CNTN5: variants seen among roughly 807,000 people sequenced by gnomAD.
CNTN5 encodes the protein contactin-5.
A neutral mutation model predicts 129.1 loss-of-function variants in CNTN5; 77 were observed. The ratio of observed to expected loss-of-function variants is 0.60; its 90% CI spans 0.50 to 0.72. The LOEUF is 0.72. CNTN5 is among the 30% of genes least tolerant of loss of function. The pLI is 0.00. For missense variants in CNTN5, 1,478 were observed against 1,328.8 expected (o/e 1.11, Z -1.75); for synonymous variants, 509 against 465.6 (o/e 1.09, Z -1.20).
At chr11:99,069,836 G>A (rs1251697007) in intron 1 of CNTN5, among the ~76,000 whole-genome samples, 2 of 152,228 alleles carry the variant, frequency 1.3e-5, no homozygotes, top group East Asian at 3.9e-4. Flanking sequence ...TTGGCTTTCT[G>A]CAAACCCCTG....
chr11:100,170,649 G>A (rs745630967), intron 13 of CNTN5, among the ~76,000 whole-genome samples: 7 of 151,934 alleles, frequency 4.6e-5, no homozygotes, highest in Non-Finnish European at 8.8e-5. Context: ...AACGCACTGA[G>A]CATGTTTTAT....
At chr11:100,140,090 G>A (rs79536002) in intron 13 of CNTN5, among the ~76,000 whole-genome samples, 4,078 of 152,248 alleles carry the variant, frequency 0.027, 177 homozygotes, top group African/African-American at 0.093. Flanking sequence ...TCCCTTAACA[G>A]TGAAGAGGGG....
At chr11:99,927,119 A>T (rs1419330057) in intron 7 of CNTN5, among the ~76,000 whole-genome samples, 1 of 152,174 alleles carries the variant, frequency 6.6e-6, no homozygotes. Context: ...GGACACAGAG[A>T]GCTCTATTTT....
chr11:99,808,347 A>G (rs1946333472), intron 3 of CNTN5, among the ~76,000 whole-genome samples: 1 of 103,670 alleles, frequency 9.6e-6, no homozygotes, highest in African/African-American at 3.0e-5. Context: ...CTGTCAGTTG[A>G]GGCTACAAAA....
At chr11:99,736,155 A>T (rs1419299506) in intron 3 of CNTN5, among the ~76,000 whole-genome samples, 1 of 152,182 alleles carries the variant, frequency 6.6e-6, no homozygotes, top group Non-Finnish European at 1.5e-5. Flanking sequence ...ACTTGAATAG[A>T]TGGAAAGCAG....
At chr11:100,183,667 G>C (rs1476319456) in intron 13 of CNTN5, among the ~76,000 whole-genome samples, 2 of 152,022 alleles carry the variant, frequency 1.3e-5, no homozygotes, top group East Asian at 1.9e-4. Flanking sequence ...TGCTTCTGAG[G>C]GTGATGCATA....
At chr11:99,846,530 GTTC>G (rs981820205) in intron 6 of CNTN5, among the ~76,000 whole-genome samples, 1 of 151,762 alleles carries the variant, frequency 6.6e-6, no homozygotes, top group Non-Finnish European at 1.5e-5. Flanking sequence ...TTGAAATTAA[GTTC>G]TTGAGGATAG....
intron 1 of CNTN5, among the ~76,000 whole-genome samples, chr11:99,306,447 G>A (rs1445932745): frequency 6.6e-6 from 1 of 152,080 alleles, no homozygotes; most frequent in Admixed American, 6.6e-5. Context: ...ATATGTAAAT[G>A]AGGTAAAGAA....
At chr11:99,493,242 C>T (rs749738742) in intron 2 of CNTN5, among the ~76,000 whole-genome samples, 1 of 152,138 alleles carries the variant, frequency 6.6e-6, no homozygotes, top group Non-Finnish European at 1.5e-5. Context: ...AAGACAAAAT[C>T]GCCTAAAGAA....
In CNTN5 at chr11:100,328,467, G is replaced by A. The variant is rs148784172; in HGVS notation, c.2731-11996G>A. On this transcript the variant is annotated intron_variant, in intron 21 of 24. Coordinates refer to ENST00000524871, the MANE Select transcript of CNTN5 (RefSeq NM_014361.4). Reference sequence around the variant, plus strand: ...TAATTGACTTACAGTTCAACAAGCTGTACAGGAAGTCCGGCTGAGGAGGCC... The same window carrying A: ...TAATTGACTTACAGTTCAACAAGCTATACAGGAAGTCCGGCTGAGGAGGCC... 4.6e-5 allele frequency among the ~76,000 whole-genome samples: 7 copies of A among 152,308 alleles called. No individual in the cohort carries two copies. The East Asian group carries it at 1.4e-3, about 29-fold the overall frequency.
At chr11:100,267,927 G>A (rs950337182) in intron 17 of CNTN5, among the ~76,000 whole-genome samples, 14 of 152,266 alleles carry the variant, frequency 9.2e-5, no homozygotes, top group South Asian at 4.1e-4. Context: ...GCTTGGTGAC[G>A]CAGGTCACTG....
In CNTN5 at chr11:99,802,139, T is replaced by A. The variant is rs539958277; in HGVS notation, c.56-17405T>A. Among the ~76,000 whole-genome samples, 7 of 152,360 alleles carry A rather than the reference T, an allele frequency of 4.6e-5. No homozygotes were observed. The South Asian group carries it at 1.2e-3, about 27-fold the overall frequency. On this transcript the variant is annotated intron_variant, in intron 3 of 24. Coordinates refer to ENST00000524871, the MANE Select transcript of CNTN5 (RefSeq NM_014361.4). ...AGAGAATATTGAGTAGAATTTTTTG[T>A]CTGTTCTTCTATAGACCTATATTTT... is the stretch of plus-strand genomic sequence containing the variant.
chr11:100,311,899 G>T (rs890817618), intron 21 of CNTN5, among the ~76,000 whole-genome samples: 1 of 152,002 alleles, frequency 6.6e-6, no homozygotes, highest in African/African-American at 2.4e-5. Flanking sequence ...CACTAGATCA[G>T]CTTCATTCAA....
At chr11:99,714,553 T>G (rs369050349) in intron 3 of CNTN5, among the ~76,000 whole-genome samples, 1 of 152,028 alleles carries the variant, frequency 6.6e-6, no homozygotes, top group Non-Finnish European at 1.5e-5. Flanking sequence ...CCAAGGATTC[T>G]GTGCCATGCT....
intron 1 of CNTN5, among the ~76,000 whole-genome samples, chr11:99,032,935 G>T (rs1472072459): frequency 1.5e-5 from 2 of 134,592 alleles, no homozygotes; most frequent in African/African-American, 3.1e-5. Flanking sequence ...ATCTTGAATT[G>T]ATTTTTGTAT....
chr11:99,100,466 A>T (rs997814122), intron 1 of CNTN5, among the ~76,000 whole-genome samples: 1 of 151,980 alleles, frequency 6.6e-6, no homozygotes, highest in South Asian at 2.1e-4. Flanking sequence ...TTTGGCTTTC[A>T]TTTGTTTTTT....
chr11:99,942,975 G>A (rs1465413854), intron 7 of CNTN5, among the ~76,000 whole-genome samples: 1 of 152,002 alleles, frequency 6.6e-6, no homozygotes, highest in African/African-American at 2.4e-5. Context: ...TTGGTTCCAA[G>A]TCTTTGCTAT....
At chr11:99,387,418 G>A (rs1250435523) in intron 2 of CNTN5, among the ~76,000 whole-genome samples, 1 of 152,170 alleles carries the variant, frequency 6.6e-6, no homozygotes, top group Non-Finnish European at 1.5e-5. Context: ...GAGTTAAATA[G>A]ATGATAATTC....
chr11:99,029,091 A>G (rs547260822), intron 1 of CNTN5, among the ~76,000 whole-genome samples: 1 of 151,854 alleles, frequency 6.6e-6, no homozygotes, highest in East Asian at 1.9e-4. Context: ...AATATTATAT[A>G]CAAGAAAAAA....
Sources: gnomAD v4.1 joint callset for allele counts (sites outside exome capture counted in the v4.1 genomes callset) on GRCh38, gnomAD v4.1.1 for gene constraint, MANE v1.5 for transcripts, NCBI Gene and HGNC (gene_info 2026-07-23, HGNC 2026-07-21) for gene names.